Variants in PREX1 observed in about 807,000 individuals in gnomAD.
The protein encoded by PREX1 is phosphatidylinositol-3,4,5-trisphosphate dependent Rac exchange factor 1.
A neutral mutation model predicts 198.3 loss-of-function variants in PREX1; 41 were observed. The observed-to-expected ratio is 0.21, with a 90% CI of 0.16 to 0.27. PREX1 has a LOEUF of 0.27. Among genes scored for constraint, PREX1 ranks in the 10% least tolerant of loss-of-function variants. The probability of loss-of-function intolerance (pLI) is 1.00; values close to 1 mark genes in which losing one functional copy is unlikely to be tolerated. For missense variants in PREX1, 1,620 were observed against 2,200.7 expected (o/e 0.74, Z 5.28); for synonymous variants, 843 against 887.2 (o/e 0.95, Z 0.89).
chr20:48,658,206 T>C lies in PREX1; in HGVS notation c.1904A>G (p.Tyr635Cys), dbSNP rs778459081. 5 of 1,614,116 alleles carry C rather than the reference T, an allele frequency of 3.1e-6. No homozygotes were observed. Among genetic ancestry groups the C allele is most frequent in the Middle Eastern group, 1.6e-4 (1 of 6,062 alleles). Residue 635 changes from tyrosine (Y) to cysteine (C), a missense_variant, in exon 17 of 40, where the codon TAT becomes TGT. Physicochemically the swap from Tyr to Cys is radical, Grantham distance 194. This residue lies in a region of PREX1 where 488 missense variants were observed against 802.5 expected (regional missense o/e 0.61). Transcript: ENST00000371941. ...GTTCTTCTCCTCGATGTCAAAGCCA[T>C]AGTCCTCCTCCTGGGGCAGGATCTG... The part of the protein sequence containing the change: ...RLLILPQEED[Y>C]GFDIEEKNKA...
At chr20:48,701,504 A>G (rs1601085663) in intron 6 of PREX1, among the ~76,000 whole-genome samples, 2 of 151,292 alleles carry the variant, frequency 1.3e-5, no homozygotes, top group African/African-American at 4.9e-5. Flanking sequence ...ATGAGCCACC[A>G]CGCCTGGCCT....
intron 6 of PREX1, among the ~76,000 whole-genome samples, chr20:48,703,001 G>A (rs985900459): frequency 3.9e-5 from 6 of 152,188 alleles, no homozygotes; most frequent in Admixed American, 6.5e-5. Context: ...AGGAGAGAGG[G>A]AGAATTATTC....
chr20:48,757,674 C>A (rs1427966758), intron 1 of PREX1, among the ~76,000 whole-genome samples: 3 of 152,160 alleles, frequency 2.0e-5, no homozygotes, highest in Non-Finnish European at 4.4e-5. Flanking sequence ...CAGGATCCAG[C>A]CAGGATCACA....
chr20:48,638,715 A>T (rs1349241382), intron 30 of PREX1, among the ~76,000 whole-genome samples: 1 of 152,158 alleles, frequency 6.6e-6, no homozygotes, highest in African/African-American at 2.4e-5. Flanking sequence ...AGGAGTCACC[A>T]CGCCAGGCAG....
At chr20:48,781,897 C>G (rs2090291497) in intron 1 of PREX1, among the ~76,000 whole-genome samples, 1 of 152,160 alleles carries the variant, frequency 6.6e-6, no homozygotes, top group African/African-American at 2.4e-5. Context: ...ACAATTGAAC[C>G]TTGGGGGACA....
At chr20:48,674,700 A>G (rs550599800) in intron 14 of PREX1, among the ~76,000 whole-genome samples, 9 of 152,316 alleles carry the variant, frequency 5.9e-5, no homozygotes, top group Admixed American at 4.6e-4. Flanking sequence ...AGGATAACAC[A>G]CAATGCCTGC....
rs6019323 is a variant in PREX1 at position 48,630,819 on chromosome 20, G to A, written c.4527-25C>T. ...CCTGCGAGAGAAAGATGGGAATGAGGCGGGGGCCACCACACCCACCATCCT... is the reference window on the plus strand; with the variant it reads ...CCTGCGAGAGAAAGATGGGAATGAGACGGGGGCCACCACACCCACCATCCT... On this transcript the variant is annotated intron_variant, in intron 35 of 39. Coordinates refer to ENST00000371941, the MANE Select transcript of PREX1 (RefSeq NM_020820.4). 2.7e-3 allele frequency: 4,130 copies of A among 1,527,224 alleles called. 99 individuals carry two copies. In the African/African-American group the frequency reaches 0.05, roughly 19 times the overall value. 94.6% of individuals were successfully genotyped at this position (1,527,224 alleles called of 1,614,324 possible).
chr20:48,808,156 G>T (rs1453010963), intron 1 of PREX1, among the ~76,000 whole-genome samples: 1 of 152,122 alleles, frequency 6.6e-6, no homozygotes, highest in Non-Finnish European at 1.5e-5. Context: ...GAACAACGGG[G>T]TGCTTCCTGC....
At chr20:48,826,531 G>A (rs1355537910) in intron 1 of PREX1, among the ~76,000 whole-genome samples, 2 of 152,102 alleles carry the variant, frequency 1.3e-5, no homozygotes, top group African/African-American at 4.8e-5. Context: ...CAAGCTACCC[G>A]GCCCCTCTGG....
intron 14 of PREX1, among the ~76,000 whole-genome samples, chr20:48,674,543 T>C (rs1329030733): frequency 6.6e-6 from 1 of 152,222 alleles, no homozygotes; most frequent in African/African-American, 2.4e-5. Flanking sequence ...TGAATAGATA[T>C]TCTTGAGGAC....
intron 1 of PREX1, among the ~76,000 whole-genome samples, chr20:48,813,736 T>C (rs1161886803): frequency 1.3e-5 from 2 of 152,134 alleles, no homozygotes; most frequent in Non-Finnish European, 2.9e-5. Flanking sequence ...GAAAAGAACA[T>C]ATTAAATTGC....
At position 48,679,770 on chromosome 20, in the gene PREX1, G is replaced by A. The variant is rs1201977876; in HGVS notation, c.1436-16C>T. 18 of 1,589,208 alleles carry A rather than the reference G, an allele frequency of 1.1e-5. No individual in the cohort carries two copies. Among genetic ancestry groups the A allele is most frequent in the Non-Finnish European group, 1.6e-5 (18 of 1,157,450 alleles). ...TTGTCGGAAACTGGAGAGACAGGAG[G>A]ACCTGTGACGCTGGGCACGCCCCCT... On this transcript the variant is annotated splice_polypyrimidine_tract_variant and intron_variant, in intron 11 of 39. Coordinates refer to ENST00000371941, the MANE Select transcript of PREX1 (RefSeq NM_020820.4).
intron 29 of PREX1, 48 bp from the exon 30 acceptor site, chr20:48,639,942 G>A (rs1442501663): frequency 5.6e-6 from 9 of 1,593,970 alleles, no homozygotes; most frequent in South Asian, 1.1e-5. Flanking sequence ...CGGAGGTAGT[G>A]TTGGAGAACG....
chr20:48,747,925 T>A lies in PREX1; in HGVS notation c.220-45A>T, dbSNP rs1328597055. 4 of 1,550,264 alleles carry A rather than the reference T, an allele frequency of 2.6e-6. No individual in the cohort carries two copies. In the African/African-American group the frequency reaches 5.4e-5, roughly 21 times the overall value. The stretch of plus-strand genomic sequence containing the variant: ...AGAGGTGAGTGTCCGCGTCTCCAGC[T>A]CTCCCATGGACGGCCCTACAGAAGG... On this transcript the variant is annotated intron_variant, in intron 1 of 39. Coordinates refer to ENST00000371941, the MANE Select transcript of PREX1 (RefSeq NM_020820.4).
In PREX1 at chr20:48,684,397, G is replaced by A. The variant is rs1239697619; in HGVS notation, c.1335-3062C>T. 2.0e-5 allele frequency among the ~76,000 whole-genome samples: 3 copies of A among 152,104 alleles called. No homozygotes were observed. Among genetic ancestry groups the A allele is most frequent in the Admixed American group, 1.3e-4 (2 of 15,274 alleles). Reference sequence around the variant, plus strand: ...ACTCCACGGCTCAGGGATGCCTCCTGGAGATGACAATGTTGGACAAATCCT... The same window carrying A: ...ACTCCACGGCTCAGGGATGCCTCCTAGAGATGACAATGTTGGACAAATCCT... On this transcript the variant is annotated intron_variant, in intron 10 of 39. Coordinates refer to ENST00000371941, the MANE Select transcript of PREX1 (RefSeq NM_020820.4). This position sits in a 1 kb window ranked among gnomAD's most constrained non-coding sequence, Gnocchi z 4.2.
chr20:48,750,575 T>C (rs2090129790), intron 1 of PREX1, among the ~76,000 whole-genome samples: 2 of 147,456 alleles, frequency 1.4e-5, no homozygotes, highest in South Asian at 4.1e-4. Flanking sequence ...CTCAGGACCT[T>C]TGCATATGCT....
intron 1 of PREX1, among the ~76,000 whole-genome samples, chr20:48,767,328 G>C (rs543786949): frequency 1.3e-4 from 20 of 152,160 alleles, no homozygotes; most frequent in Non-Finnish European, 2.5e-4. Context: ...CTGACTATGG[G>C]ACAGAGCCCC....
Position 48,705,807 on chromosome 20 carries a change from A to C in PREX1, c.783+2453T>G, listed in dbSNP as rs139416137. On this transcript the variant is annotated intron_variant, in intron 6 of 39. Coordinates refer to ENST00000371941, the MANE Select transcript of PREX1 (RefSeq NM_020820.4). ...ATTCCACACCTCACTTTATCTTCCA[A>C]ATGAAACCAAAAAAATAACTTCAGA... 2.0e-3 allele frequency among the ~76,000 whole-genome samples: 299 copies of C among 152,316 alleles called. 2 individuals are homozygous for C. The highest frequency in any genetic ancestry group is 6.6e-3 in the African/African-American group (274 of 41,550).
intron 37 of PREX1, among the ~76,000 whole-genome samples, chr20:48,629,210 A>G (rs1221430923): frequency 6.6e-6 from 1 of 152,184 alleles, no homozygotes; most frequent in Non-Finnish European, 1.5e-5. Flanking sequence ...CAGCTCTCAC[A>G]CACACTCACT....
Sources: allele counts gnomAD v4.1 joint callset (sites outside exome capture counted in the v4.1 genomes callset), GRCh38; gene constraint gnomAD v4.1.1; regional missense constraint gnomAD v4.1.1; non-coding constraint Gnocchi (gnomAD v3.1); transcripts MANE v1.5; gene names NCBI Gene and HGNC (gene_info 2026-07-23, HGNC 2026-07-21).